TBL2: variants seen among roughly 807,000 people sequenced by gnomAD.
TBL2 encodes transducin beta-like protein 2.
Under a neutral mutation model 41.8 loss-of-function variants are expected in TBL2, and 33 were observed. That is an observed-to-expected ratio of 0.79 (90% confidence interval 0.60 to 1.06). The LOEUF (loss-of-function observed/expected upper bound fraction) is 1.06, where lower values mean the gene tolerates loss of function less well. Ranked by LOEUF, TBL2 falls within the 50% of genes least tolerant of loss-of-function variation. The pLI, the probability that TBL2 is intolerant of heterozygous loss-of-function variation, is 0.00. For missense variants in TBL2, 522 were observed against 603.8 expected (o/e 0.86, Z 1.42); for synonymous variants, 239 against 241.7 (o/e 0.99, Z 0.10).
chr7:73,572,924 C>G lies in TBL2; in HGVS notation c.645G>C (p.Trp215Cys), dbSNP rs782394069. The part of the protein sequence containing the change: ...TASSDTTVLI[W>C]SLKGQVLSTI... ...TAGACAGCACTTGACCCTTCAGGCT[C>G]CAGATGAGGACAGTGGTGTCACTGG... Residue 215 changes from tryptophan (W) to cysteine (C), a missense_variant, in exon 5 of 7, where the codon TGG (tryptophan) becomes TGC (cysteine). Transcript: ENST00000305632. 8.7e-6 allele frequency: 14 copies of G among 1,614,022 alleles called. No individual in the cohort carries two copies. Among genetic ancestry groups the G allele is most frequent in the Admixed American group, 1.7e-5 (1 of 59,978 alleles).
In TBL2 at chr7:73,578,571, T is replaced by C; in HGVS notation, c.-22A>G. ...CCATGTTGGTGGAACCACTGCCACC[T>C]CAGCTAGTGAGTACGCGGGCGCCCG... On this transcript the variant is annotated 5_prime_UTR_variant, in exon 1 of 7. Coordinates refer to ENST00000305632, the MANE Select transcript of TBL2 (RefSeq NM_012453.4). The C allele has an allele frequency of 6.4e-7, 1 of 1,561,466 alleles. No homozygotes were observed. The highest frequency in any genetic ancestry group is 8.7e-7 in the Non-Finnish European group (1 of 1,154,464).
rs1554588180 is a variant in TBL2 at position 73,573,379 on chromosome 7, G to C, written c.539C>G (p.Pro180Arg). Residue 180 changes from proline (P) to arginine (R), a missense_variant, in exon 4 of 7, where the codon CCA becomes CGA. Transcript: ENST00000305632. ...EDGGYTFTAT[P>R]EDFPKKHKAP... ...CTTGTGCTTTTTAGGGAAGTCCTCT[G>C]GGGTGGCTGTGAAGGTGTAGCCCCC... 3.1e-6 allele frequency: 5 copies of C among 1,614,172 alleles called. No homozygotes were observed.
Position 73,578,544 on chromosome 7 carries a change from C to G in TBL2, c.6G>C (p.Glu2Asp), listed in dbSNP as rs369089845. The change falls in exon 1 of 7, where the codon GAG becomes GAC. Residue 2 changes from glutamate (E) to aspartate (D), a missense_variant. Transcript: ENST00000305632. ...CCATGAGCTCCGACATCTGCGAGAG[C>G]TCCATGTTGGTGGAACCACTGCCAC... Reference protein sequence around the residue: MELSQMSELMGL... With the variant: MDLSQMSELMGL... The G allele has an allele frequency of 1.6e-5, 25 of 1,591,580 alleles. No individual in the cohort carries two copies. Among genetic ancestry groups the G allele is most frequent in the Non-Finnish European group, 2.0e-5 (24 of 1,170,984 alleles).
Position 73,571,015 on chromosome 7 carries a change from G to T in TBL2, c.879-43C>A, listed in dbSNP as rs117608476. 2.2e-4 allele frequency: 349 copies of T among 1,570,610 alleles called. 1 individual carries two copies. The East Asian group carries it at 7.5e-3, about 34-fold the overall frequency. ...ACAGCTCAAGCCCCAACACACCCTG[G>T]CAGGGTAAGCACTGGCCCAACTTGA... On this transcript the variant is annotated intron_variant, in intron 6 of 6. Transcript: ENST00000305632.
Position 73,568,156 on chromosome 7 carries a change from G to A in TBL2, c.*2351C>T, listed in dbSNP as rs1792720372. Among the ~76,000 whole-genome samples the A allele has an allele frequency of 6.6e-6, 1 of 152,148 alleles. No homozygotes were observed. The highest frequency in any genetic ancestry group is 1.5e-5 in the Non-Finnish European group (1 of 68,008). ...AAGATGCGCGGAGAAGATACTGGGA[G>A]GTCTGTGGCTTGCCCCTGGCTTGAG... On this transcript the variant is annotated 3_prime_UTR_variant, in exon 7 of 7. Coordinates refer to ENST00000305632, the MANE Select transcript of TBL2 (RefSeq NM_012453.4).
chr7:73,578,315 G>A, intron 1 of TBL2, 105 bp downstream of exon 1: 3 of 1,536,220 alleles, frequency 2.0e-6, no homozygotes, highest in Non-Finnish European at 1.7e-6. Flanking sequence ...GGCCCATGGA[G>A]TCGCCGGGCC....
Position 73,568,084 on chromosome 7 carries a change from G to A in TBL2, c.*2423C>T, listed in dbSNP as rs545645270. On this transcript the variant is annotated 3_prime_UTR_variant, in exon 7 of 7. Coordinates refer to ENST00000305632, the MANE Select transcript of TBL2 (RefSeq NM_012453.4). ...CCTTGTGTGCACAGCATTGCCAAAA[G>A]TCTGTGGTTAGGAACATACAAAACC... Among the ~76,000 whole-genome samples, 4 of 152,364 alleles carry A rather than the reference G, an allele frequency of 2.6e-5. No homozygotes were observed. Among genetic ancestry groups the A allele is most frequent in the African/African-American group, 9.6e-5 (4 of 41,590 alleles).
chr7:73,569,557 C>T lies in TBL2; in HGVS notation c.*950G>A, dbSNP rs1410344174. 2 of 152,206 alleles carry T rather than the reference C, an allele frequency of 1.3e-5. No individual in the cohort carries two copies. The highest frequency in any genetic ancestry group is 4.8e-5 in the African/African-American group (2 of 41,438). The allele number at this position is 152,206 out of a possible 1,614,324, so 9.4% of individuals were successfully genotyped here. A position where few individuals can be genotyped will look rare whatever the true frequency, so the allele number is the denominator to read the frequency against. On this transcript the variant is annotated 3_prime_UTR_variant, in exon 7 of 7. Transcript: ENST00000305632. ...TCTGTCCTGCTCTGGTCCTCTCTTG[C>T]CTTGACATATATAACAATAGCTATG...
In TBL2 at chr7:73,578,479, G is replaced by A. The variant is rs1793483753; in HGVS notation, c.71C>T (p.Thr24Met). 2 of 1,577,822 alleles carry A rather than the reference G, an allele frequency of 1.3e-6. No homozygotes were observed. The highest frequency in any genetic ancestry group is 1.7e-6 in the Non-Finnish European group (2 of 1,165,278). Residue 24 changes from threonine (T) to methionine (M), a missense_variant, in exon 1 of 7, where the codon ACG (threonine) becomes ATG (methionine). Coordinates refer to ENST00000305632, the MANE Select transcript of TBL2 (RefSeq NM_012453.4). ...VLLGLLALMA[T>M]AAVARGWLRA... ...CAGCCACCCCCGCGCTACCGCCGCC[G>A]TCGCCATCAGGGCCAGCAGCCCAAG...
At chr7:73,572,999 C>G (rs781868554) in intron 4 of TBL2, 29 bp from the exon 5 acceptor site, 1 of 1,613,534 alleles carries the variant, frequency 6.2e-7, no homozygotes, top group African/African-American at 1.3e-5. Flanking sequence ...ATGTGGGTCA[C>G]GGGCAGTGAC....
At chr7:73,575,282 T>C (rs1554588714) in intron 1 of TBL2, among the ~76,000 whole-genome samples, 2 of 150,940 alleles carry the variant, frequency 1.3e-5, no homozygotes, top group Admixed American at 6.6e-5. Context: ...TGCACCACCA[T>C]ATCCAGCTAA....
chr7:73,576,125 T>C (rs1364566640), intron 1 of TBL2, among the ~76,000 whole-genome samples: 1 of 151,688 alleles, frequency 6.6e-6, no homozygotes, highest in Non-Finnish European at 1.5e-5. Flanking sequence ...AACACAAGCA[T>C]TAAAGGCTCT....
chr7:73,572,342 G>A (rs1019216830), intron 5 of TBL2, among the ~76,000 whole-genome samples: 12 of 152,110 alleles, frequency 7.9e-5, no homozygotes, highest in African/African-American at 1.9e-4. Context: ...CCAGCTACTC[G>A]GGAGGCTAAG....
At chr7:73,577,997 T>TG in intron 1 of TBL2, 1 of 460,034 alleles carries the variant, frequency 2.2e-6, no homozygotes, top group African/African-American at 2.1e-5. Context: ...ATAATACAGA[T>TG]GTACTTCTCC....
At chr7:73,575,916 C>T (rs1410645071) in intron 1 of TBL2, among the ~76,000 whole-genome samples, 1 of 152,002 alleles carries the variant, frequency 6.6e-6, no homozygotes, top group Non-Finnish European at 1.5e-5. Context: ...GTGGTGTGCG[C>T]CTGTGGTCCC....
chr7:73,568,203 T>C lies in TBL2; in HGVS notation c.*2304A>G, dbSNP rs1293338213. ...TGAGTTTCACATTGAGTGCTTACAC[T>C]GTCCCAGGTACTGTGCCTGGACCAC... is the stretch of plus-strand genomic sequence containing the variant. On this transcript the variant is annotated 3_prime_UTR_variant, in exon 7 of 7. Transcript: ENST00000305632. Among the ~76,000 whole-genome samples, 1 of 152,166 alleles carries C rather than the reference T, an allele frequency of 6.6e-6. No homozygotes were observed. The highest frequency in any genetic ancestry group is 1.5e-5 in the Non-Finnish European group (1 of 68,018).
chr7:73,573,059 AAGTATACATGTCT>A, intron 4 of TBL2, 89 bp from the exon 5 acceptor site: 3 of 1,571,002 alleles, frequency 1.9e-6, no homozygotes, highest in Non-Finnish European at 2.6e-6. Context: ...CTGCTGCCCG[AAGTATACATGTCT>A]CCTCCCAGGC....
At chr7:73,572,256 C>T (rs1793007869) in intron 5 of TBL2, among the ~76,000 whole-genome samples, 1 of 152,074 alleles carries the variant, frequency 6.6e-6, no homozygotes, top group African/African-American at 2.4e-5. Flanking sequence ...CAGGACCAGC[C>T]TGGGCAACAT....
At chr7:73,573,052 C>T in intron 4 of TBL2, 82 bp from the exon 5 acceptor site, 1 of 1,583,598 alleles carries the variant, frequency 6.3e-7, no homozygotes, top group Non-Finnish European at 8.6e-7. Context: ...AAGGCCTCTG[C>T]TGCCCGAAGT....
Sources: allele counts gnomAD v4.1 joint callset (sites outside exome capture counted in the v4.1 genomes callset), GRCh38; gene constraint gnomAD v4.1.1; transcripts MANE v1.5; gene names NCBI Gene and HGNC (gene_info 2026-07-23, HGNC 2026-07-21).